CNTNAP2: variants seen among roughly 807,000 people sequenced by gnomAD.
The protein encoded by CNTNAP2 is contactin associated protein 2.
Under a neutral mutation model 155.2 loss-of-function variants are expected in CNTNAP2, and 98 were observed. The observed-to-expected ratio is 0.63, with a 90% CI of 0.54 to 0.75. CNTNAP2 has a LOEUF of 0.75. Among genes scored for constraint, CNTNAP2 ranks in the 30% least tolerant of loss-of-function variants. CNTNAP2 has a pLI of 0.00. For synonymous variants in CNTNAP2, 651 were observed against 631.2 expected (o/e 1.03, Z -0.47); for missense variants, 1,727 against 1,688.1 (o/e 1.02, Z -0.40).
At chr7:147,361,329 A>G (rs889488311) in intron 9 of CNTNAP2, among the ~76,000 whole-genome samples, 7 of 152,188 alleles carry the variant, frequency 4.6e-5, no homozygotes, top group Admixed American at 3.3e-4. Context: ...CTATATGAAC[A>G]CTAATAATAT....
chr7:146,135,561 A>T (rs1442352445), intron 1 of CNTNAP2, among the ~76,000 whole-genome samples: 3 of 152,082 alleles, frequency 2.0e-5, no homozygotes, highest in Non-Finnish European at 4.4e-5. Context: ...TTTCCAGGTT[A>T]TTTATGAAGT....
intron 9 of CNTNAP2, among the ~76,000 whole-genome samples, chr7:147,366,806 CA>C (rs1796238216): frequency 1.8e-4 from 19 of 105,110 alleles, no homozygotes; most frequent in Admixed American, 7.7e-4. Context: ...CACACACACA[CA>C]CACACCCCAA....
intron 1 of CNTNAP2, among the ~76,000 whole-genome samples, chr7:146,419,903 A>G (rs1267236013): frequency 6.6e-6 from 1 of 152,140 alleles, no homozygotes; most frequent in African/African-American, 2.4e-5. Flanking sequence ...AAACATTGTC[A>G]TGGTATTGTC....
At chr7:147,293,440 A>G (rs1207886728) in intron 8 of CNTNAP2, among the ~76,000 whole-genome samples, 1 of 152,182 alleles carries the variant, frequency 6.6e-6, no homozygotes, top group Non-Finnish European at 1.5e-5. Flanking sequence ...ATACCTTTTT[A>G]AAGTTTTATT....
chr7:148,143,058 TA>T (rs1805107538), intron 16 of CNTNAP2, among the ~76,000 whole-genome samples: 1 of 152,258 alleles, frequency 6.6e-6, no homozygotes, highest in Non-Finnish European at 1.5e-5. Context: ...ATTCAGTATC[TA>T]AAATTACCAT....
rs1388530831 is a variant in CNTNAP2, at chr7:148,062,028, A to AGAGAGAGAGT, written c.2384-56089_2384-56088insAGAGAGAGTG. On this transcript the variant is annotated intron_variant, in intron 15 of 23. Transcript: ENST00000361727. ...ATAGATGATAGAGAGAGAGAGAGAG[A>AGAGAGAGAGT]GTGTGTGTGTGTGTGTGTGTGTGTG... Among the ~76,000 whole-genome samples the AGAGAGAGAGT allele has an allele frequency of 4.2e-4, 44 of 106,010 alleles. 1 individual carries two copies. The highest frequency in any genetic ancestry group is 1.1e-3 in the East Asian group (4 of 3,662). The allele number at this position is 106,010 out of a possible 152,430, so 69.5% of individuals were successfully genotyped here. A position where few individuals can be genotyped will look rare whatever the true frequency, so the allele number is the denominator to read the frequency against.
chr7:147,000,563 T>C (rs186496936), intron 3 of CNTNAP2, among the ~76,000 whole-genome samples: 1 of 152,062 alleles, frequency 6.6e-6, no homozygotes, highest in Non-Finnish European at 1.5e-5. Flanking sequence ...AGGTTAAGAG[T>C]GGGCCACCTG....
rs553145306 is a variant in CNTNAP2 at position 146,899,521 on chromosome 7, C to CTTTGT, written c.402+59621_402+59625dup. ...ATGCATTGAACCTGTATTTTGTGCC[C>CTTTGT]TTTGTTTTAAATTTCACTTTAACAA... On this transcript the variant is annotated intron_variant, in intron 3 of 23. Transcript: ENST00000361727. Among the ~76,000 whole-genome samples, 42 of 152,200 alleles carry CTTTGT rather than the reference C, an allele frequency of 2.8e-4. 3 individuals are homozygous for CTTTGT. The East Asian group carries it at 7.7e-3, about 28-fold the overall frequency.
intron 8 of CNTNAP2, among the ~76,000 whole-genome samples, chr7:147,267,500 G>A (rs1485372405): frequency 6.6e-6 from 1 of 151,898 alleles, no homozygotes; most frequent in South Asian, 2.1e-4. Context: ...CTGATGTTCT[G>A]TTTCAAAATT....
intron 3 of CNTNAP2, among the ~76,000 whole-genome samples, chr7:146,949,524 T>A (rs540115323): frequency 6.6e-6 from 1 of 152,184 alleles, no homozygotes; most frequent in Admixed American, 6.6e-5. Flanking sequence ...ACCATCCTTT[T>A]CAAAGCTGCT....
chr7:146,534,416 G>GA (rs1797815682), intron 1 of CNTNAP2, among the ~76,000 whole-genome samples: 1 of 152,050 alleles, frequency 6.6e-6, no homozygotes, highest in African/African-American at 2.4e-5. Context: ...GATACAATAT[G>GA]AGTGCCTTTT....
At chr7:147,998,609 C>CAAA (rs780340770) in intron 15 of CNTNAP2, among the ~76,000 whole-genome samples, 3 of 152,172 alleles carry the variant, frequency 2.0e-5, no homozygotes, top group Admixed American at 6.5e-5. Flanking sequence ...AGACCATTTT[C>CAAA]CGTGGGGATT....
At chr7:146,295,366 A>G (rs921036565) in intron 1 of CNTNAP2, among the ~76,000 whole-genome samples, 5 of 152,154 alleles carry the variant, frequency 3.3e-5, no homozygotes, top group Non-Finnish European at 7.4e-5. Context: ...AAAAGCATGT[A>G]TTCAGGGTAC....
intron 18 of CNTNAP2, chr7:148,189,894 C>T (rs1795176950): frequency 6.6e-6 from 1 of 152,126 alleles, no homozygotes; most frequent in Non-Finnish European, 1.5e-5. Flanking sequence ...GGTAACTGCC[C>T]CAGAGCCAAA....
At chr7:146,720,943 C>CCTCTCTATATATTCTATATATATACTG (rs1563202727) in intron 1 of CNTNAP2, among the ~76,000 whole-genome samples, 1 of 131,210 alleles carries the variant, frequency 7.6e-6, no homozygotes, top group Admixed American at 7.7e-5. Context: ...TATACTTTCT[C>CCTCTCTATATATTCTATATATATACTG]TATATATTCT....
chr7:147,677,835 A>G (rs1318729637), intron 13 of CNTNAP2, among the ~76,000 whole-genome samples: 1 of 151,592 alleles, frequency 6.6e-6, no homozygotes, highest in African/African-American at 2.4e-5. Context: ...ATAAGTGCAT[A>G]AATTTATTTC....
rs1464125012 is a variant in CNTNAP2 at position 148,172,257 on chromosome 7, A to G, written c.2789A>G (p.Gln930Arg). The stretch of plus-strand genomic sequence containing the variant: ...TCATTCCCAGGTGGTGCTGGGGGCC[A>G]GCAGGGCTTCCTGGGCTGCATCCGC... ...SQLFVGGAGGQQGFLGCIRSL... is the reference protein window; with the variant it reads ...SQLFVGGAGGRQGFLGCIRSL... Residue 930 changes from glutamine (Q) to arginine (R), a missense_variant, in exon 18 of 24, where the codon CAG (glutamine) becomes CGG (arginine). Coordinates refer to ENST00000361727, the MANE Select transcript of CNTNAP2 (RefSeq NM_014141.6). 1 of 1,613,846 alleles carries G rather than the reference A, an allele frequency of 6.2e-7. No individual in the cohort carries two copies. The highest frequency in any genetic ancestry group is 2.2e-5 in the East Asian group (1 of 44,890).
intron 13 of CNTNAP2, among the ~76,000 whole-genome samples, chr7:147,872,646 G>T (rs1799347906): frequency 6.6e-6 from 1 of 152,172 alleles, no homozygotes; most frequent in African/African-American, 2.4e-5. Context: ...CATTCAAAAA[G>T]AAAGTAAATC....
At chr7:147,229,651 A>G (rs1803632868) in intron 8 of CNTNAP2, among the ~76,000 whole-genome samples, 1 of 152,206 alleles carries the variant, frequency 6.6e-6, no homozygotes, top group Admixed American at 6.5e-5. Flanking sequence ...AAGCTTAGTG[A>G]AAACTCCTAG....
Sources: gnomAD v4.1 joint callset for allele counts (sites outside exome capture counted in the v4.1 genomes callset) on GRCh38, gnomAD v4.1.1 for gene constraint, MANE v1.5 for transcripts, NCBI Gene and HGNC (gene_info 2026-07-23, HGNC 2026-07-21) for gene names.